The following CIB1 variants were observed in gnomAD, a reference collection of about 807,000 sequenced individuals.
CIB1 encodes calcium and integrin binding 1, also known as calcium and integrin-binding protein 1.
In CIB1, 19 loss-of-function variants were observed where a neutral mutation model predicts 25.0. The observed-to-expected ratio is 0.76, with a 90% CI of 0.53 to 1.12. The LOEUF is 1.12. Among genes scored for constraint, CIB1 ranks in the 50% most tolerant of loss-of-function variants. The pLI is 0.00. For missense variants in CIB1, 236 were observed against 242.6 expected, an observed-to-expected ratio of 0.97 and a Z score of 0.18; for synonymous variants, 104 against 98.5, an observed-to-expected ratio of 1.06 and a Z score of -0.33.
Position 90,230,384 on chromosome 15 carries a change from C to T in CIB1, c.*100G>A. 7.0e-6 allele frequency: 10 copies of T among 1,434,102 alleles called. No homozygotes were observed. The South Asian group carries it at 1.2e-4, about 18-fold the overall frequency. The allele number at this position is 1,434,102 out of a possible 1,614,324, so 88.8% of individuals were successfully genotyped here. ...TGCACAGCGCCAGCTCCAGGCTGGG[C>T]CAGCTTGGCCCGCACTGGCAACACA... On this transcript the variant is annotated 3_prime_UTR_variant, in exon 7 of 7. Transcript: ENST00000328649.
chr15:90,263,130 A>G, the CIB1 span: 8 of 1,525,696 alleles, frequency 5.2e-6, no homozygotes, highest in Non-Finnish European at 7.0e-6. Flanking sequence ...GCCAGAAAAA[A>G]CTTCATGAGA....
chr15:90,263,010 G>C, the CIB1 span: 15 of 1,535,984 alleles, frequency 9.8e-6, no homozygotes, highest in Non-Finnish European at 1.3e-5. Flanking sequence ...AAGAAATTGT[G>C]GAAGAGGAGG....
At chr15:90,264,657 G>A in the CIB1 span, 1 of 1,507,068 alleles carries the variant, frequency 6.6e-7, no homozygotes. Flanking sequence ...CCACAGTTGG[G>A]AAAGAGGTGA....
At chr15:90,256,763 C>T in the CIB1 span, among the ~76,000 whole-genome samples, 1 of 151,730 alleles carries the variant, frequency 6.6e-6, no homozygotes, top group East Asian at 1.9e-4. Flanking sequence ...ATCTCAGCTC[C>T]CTGCAACCTC....
the CIB1 span, among the ~76,000 whole-genome samples, chr15:90,240,345 T>G: frequency 6.7e-6 from 1 of 149,638 alleles, no homozygotes; most frequent in Non-Finnish European, 1.5e-5. Flanking sequence ...CTGCCTCTAC[T>G]AAAAATACAA....
chr15:90,253,856 T>C, the CIB1 span, among the ~76,000 whole-genome samples: 1 of 152,196 alleles, frequency 6.6e-6, no homozygotes, highest in Non-Finnish European at 1.5e-5. Flanking sequence ...TATCCTCTAA[T>C]TGGGCGTTTG....
chr15:90,232,109 A>G, intron 3 of CIB1, 110 bp downstream of exon 3: 1 of 820,112 alleles, frequency 1.2e-6, no homozygotes, highest in Admixed American at 2.5e-5. Flanking sequence ...AAAAATGACC[A>G]GAGTGGGGAC....
the CIB1 span, chr15:90,257,265 C>A: frequency 1.2e-6 from 2 of 1,612,244 alleles, no homozygotes; most frequent in Non-Finnish European, 1.7e-6. Flanking sequence ...TATATGGAGC[C>A]CAGCCATAAC....
chr15:90,250,920 G>T, the CIB1 span: 1 of 1,601,082 alleles, frequency 6.2e-7, no homozygotes, highest in African/African-American at 1.3e-5. Flanking sequence ...CAACTGCCCA[G>T]CTCCAGGGAG....
chr15:90,252,585 C>T, the CIB1 span, among the ~76,000 whole-genome samples: 11 of 152,174 alleles, frequency 7.2e-5, no homozygotes, highest in Admixed American at 7.2e-4. Context: ...CAGCTAGGTC[C>T]TTCCCCTAAT....
chr15:90,232,146 T>A, intron 3 of CIB1, 73 bp downstream of exon 3: 1 of 1,181,016 alleles, frequency 8.5e-7, no homozygotes, highest in Non-Finnish European at 1.2e-6. Context: ...CCAAAGCTAG[T>A]GGCAGATGGA....
chr15:90,264,009 G>C, the CIB1 span: 2 of 1,536,130 alleles, frequency 1.3e-6, no homozygotes, highest in Non-Finnish European at 1.7e-6. Flanking sequence ...TGTCAATGAA[G>C]AAGGCTGGGA....
chr15:90,240,821 AAAAT>A, the CIB1 span: 14 of 949,060 alleles, frequency 1.5e-5, no homozygotes, highest in Admixed American at 4.9e-5. Flanking sequence ...CTCAAAAAAA[AAAAT>A]AAATAAATAA....
chr15:90,231,148 C>G lies in CIB1; in HGVS notation c.412G>C (p.Glu138Gln). Residue 138 changes from glutamate to glutamine, a missense_variant, in exon 5 of 7, where the codon GAG becomes CAG. Transcript: ENST00000328649. ...GCACTAAGCCGTGTGTCCTCGCCCT[C>G]TCCCGTGAGGCAGTTCACCAGCCGG... The part of the protein sequence containing the change: ...LSRLVNCLTG[E>Q]GEDTRLSASE... The G allele has an allele frequency of 1.2e-6, 2 of 1,614,224 alleles. No individual in the cohort carries two copies.
At chr15:90,258,432 G>C in the CIB1 span, 1 of 679,860 alleles carries the variant, frequency 1.5e-6, no homozygotes. Context: ...CTACCCTTTT[G>C]ACCTGCTGAG....
chr15:90,263,661 T>C, the CIB1 span: 1 of 605,510 alleles, frequency 1.7e-6, no homozygotes. Context: ...AGAAGAGATT[T>C]TTTTCAGTTA....
At chr15:90,265,039 A>G in the CIB1 span, 2 of 1,452,730 alleles carry the variant, frequency 1.4e-6, no homozygotes, top group African/African-American at 2.8e-5. Context: ...AATCTTTGCT[A>G]AATGAATGAC....
At chr15:90,253,429 T>C in the CIB1 span, 1 of 1,294,486 alleles carries the variant, frequency 7.7e-7, no homozygotes, top group South Asian at 1.5e-5. Context: ...TATTCCCACC[T>C]CCTTGCCCAG....
the CIB1 span, among the ~76,000 whole-genome samples, chr15:90,260,878 AAAGGAAGG>A: frequency 2.6e-5 from 4 of 151,130 alleles, no homozygotes; most frequent in Non-Finnish European, 5.9e-5. Context: ...AGAGAGAAAG[AAAGGAAGG>A]AAGGAAGGAA....
Sources: gnomAD v4.1 joint callset for allele counts (sites outside exome capture counted in the v4.1 genomes callset) on GRCh38, gnomAD v4.1.1 for gene constraint, MANE v1.5 for transcripts, NCBI Gene and HGNC (gene_info 2026-07-23, HGNC 2026-07-21) for gene names.